CLVS1: variants seen among roughly 807,000 people sequenced by gnomAD.
CLVS1 encodes the protein clavesin 1, also known as clavesin-1.
A neutral mutation model predicts 33.1 loss-of-function variants in CLVS1; 10 were observed. That is an observed-to-expected ratio of 0.30 (90% CI 0.19 to 0.51). The LOEUF (loss-of-function observed/expected upper bound fraction) is 0.51, where lower values mean the gene tolerates loss of function less well. CLVS1 is among the 20% of genes least tolerant of loss of function. The probability of loss-of-function intolerance (pLI) is 0.97; values close to 1 mark genes in which losing one functional copy is unlikely to be tolerated. For synonymous variants in CLVS1, 163 were observed against 166.1 expected (o/e 0.98, Z 0.14); for missense variants, 343 against 433.4 (o/e 0.79, Z 1.85).
chr8:61,392,744 C>T (rs748599639), intron 3 of CLVS1, among the ~76,000 whole-genome samples: 1 of 151,100 alleles, frequency 6.6e-6, no homozygotes, highest in South Asian at 2.1e-4. Context: ...GCTGTAATCC[C>T]AGCTACTCAG....
At chr8:61,479,487 AT>A (rs1405424704) in intron 5 of CLVS1, among the ~76,000 whole-genome samples, 12 of 151,450 alleles carry the variant, frequency 7.9e-5, no homozygotes, top group African/African-American at 2.4e-4. Context: ...CATTCGTCTA[AT>A]TTTTTTTTCA....
intron 3 of CLVS1, among the ~76,000 whole-genome samples, chr8:61,411,779 C>T (rs1171608777): frequency 6.6e-6 from 1 of 152,182 alleles, no homozygotes; most frequent in Non-Finnish European, 1.5e-5. Flanking sequence ...GTCCCTAGTT[C>T]AGGGCTGTCA....
chr8:61,046,354 G>A, the CLVS1 span, among the ~76,000 whole-genome samples: 1 of 144,738 alleles, frequency 6.9e-6, no homozygotes, highest in South Asian at 2.2e-4. Context: ...CTATATCTCT[G>A]TTTTGGTACC....
intron 2 of CLVS1, among the ~76,000 whole-genome samples, chr8:61,341,656 G>A (rs1224984637): frequency 6.6e-6 from 1 of 152,168 alleles, no homozygotes; most frequent in Non-Finnish European, 1.5e-5. Context: ...CACTAAGATG[G>A]ACATTTCCCC....
At chr8:61,039,070 A>G in the CLVS1 span, among the ~76,000 whole-genome samples, 1,636 of 152,298 alleles carry the variant, frequency 0.011, 22 homozygotes, top group African/African-American at 0.037. Flanking sequence ...ATGCTAACTC[A>G]GTGCCGACTT....
chr8:61,114,346 G>C (rs183223700), intron 1 of CLVS1, among the ~76,000 whole-genome samples: 1 of 152,300 alleles, frequency 6.6e-6, no homozygotes, highest in East Asian at 1.9e-4. Flanking sequence ...TGAAAATTCA[G>C]TAAAGCATCA....
chr8:61,383,488 C>T lies in CLVS1; in HGVS notation c.630+6709C>T, dbSNP rs116977218. On this transcript the variant is annotated intron_variant, in intron 3 of 5. Coordinates refer to ENST00000325897, the MANE Select transcript of CLVS1 (RefSeq NM_173519.3). Reference sequence around the variant, plus strand: ...CATTTTGTCAAGAAGTTTTTTAATTCATGTTTTCTAAACACTCTGGTGATG... The same window carrying T: ...CATTTTGTCAAGAAGTTTTTTAATTTATGTTTTCTAAACACTCTGGTGATG... Among the ~76,000 whole-genome samples the T allele has an allele frequency of 7.7e-3, 1,175 of 152,270 alleles. 7 individuals are homozygous for T. Among genetic ancestry groups the T allele is most frequent in the Non-Finnish European group, 0.013 (871 of 68,006 alleles).
chr8:61,115,344 A>ATTTTAT lies in CLVS1; in HGVS notation c.-242-16405_-242-16400dup, dbSNP rs536840776. 3.3e-5 allele frequency among the ~76,000 whole-genome samples: 5 copies of ATTTTAT among 151,266 alleles called. No homozygotes were observed. In the South Asian group the frequency reaches 6.2e-4, roughly 19 times the overall value. ...AAAAATGGCAACTCTTATTTTTTTT[A>ATTTTAT]TTTTATTTTTATTTTTATTTTTATT... On this transcript the variant is annotated intron_variant, in intron 1 of 2. Transcript: ENST00000522621.
At chr8:61,066,515 T>G (rs1019626333) in intron 1 of CLVS1, among the ~76,000 whole-genome samples, 40 of 152,058 alleles carry the variant, frequency 2.6e-4, no homozygotes, top group African/African-American at 9.2e-4. Flanking sequence ...AAAGAAAAAG[T>G]GCTAGTGTTC....
chr8:61,200,192 C>T (rs1167241552), intron 2 of CLVS1, among the ~76,000 whole-genome samples: 4 of 152,120 alleles, frequency 2.6e-5, no homozygotes, highest in African/African-American at 4.8e-5. Flanking sequence ...GATCTCGGCT[C>T]ACTGCAACCT....
chr8:61,151,836 A>C (rs1806544128), intron 2 of CLVS1, among the ~76,000 whole-genome samples: 1 of 152,192 alleles, frequency 6.6e-6, no homozygotes, highest in Admixed American at 6.5e-5. Flanking sequence ...GTCAAATATA[A>C]GGCCCCTTCC....
the CLVS1 span, among the ~76,000 whole-genome samples, chr8:60,983,320 C>T: frequency 3.9e-5 from 6 of 152,124 alleles, no homozygotes; most frequent in African/African-American, 1.2e-4. Context: ...TTATCATGCA[C>T]GTTATTTTAA....
At chr8:60,988,700 TTTTG>T in the CLVS1 span, among the ~76,000 whole-genome samples, 1 of 152,240 alleles carries the variant, frequency 6.6e-6, no homozygotes, top group Non-Finnish European at 1.5e-5. Flanking sequence ...AGGAATTTTT[TTTTG>T]TTTATGTTTT....
chr8:61,335,429 T>C (rs1811763793), intron 2 of CLVS1, among the ~76,000 whole-genome samples: 2 of 152,178 alleles, frequency 1.3e-5, no homozygotes, highest in Admixed American at 1.3e-4. Context: ...TTAAGTTAGA[T>C]CTCTTTCACT....
chr8:61,315,738 T>TA (rs1554557557), intron 2 of CLVS1, among the ~76,000 whole-genome samples: 2 of 152,100 alleles, frequency 1.3e-5, no homozygotes, highest in Non-Finnish European at 2.9e-5. Context: ...TATTCTTTTT[T>TA]TATATATATA....
At chr8:60,979,450 A>G in the CLVS1 span, among the ~76,000 whole-genome samples, 5 of 152,244 alleles carry the variant, frequency 3.3e-5, no homozygotes, top group Non-Finnish European at 7.3e-5. Context: ...AAGAGCAACA[A>G]CATCTGCAGC....
chr8:61,436,253 TAAAAC>T (rs948052149), intron 3 of CLVS1, among the ~76,000 whole-genome samples: 1 of 152,174 alleles, frequency 6.6e-6, no homozygotes, highest in African/African-American at 2.4e-5. Context: ...TATCTCATCT[TAAAAC>T]AAAACAAAAC....
At chr8:61,486,049 A>T (rs1390979446) in intron 5 of CLVS1, among the ~76,000 whole-genome samples, 2 of 152,174 alleles carry the variant, frequency 1.3e-5, no homozygotes, top group African/African-American at 4.8e-5. Flanking sequence ...ATACATATGT[A>T]ACTAACCTGC....
intron 2 of CLVS1, 120 bp from the exon 3 acceptor site, chr8:61,376,484 CA>C (rs1423738433): frequency 1.2e-5 from 10 of 832,612 alleles, no homozygotes; most frequent in Non-Finnish European, 1.5e-5. Flanking sequence ...TACAGGACGC[CA>C]GTGTGACCCT....
Sources: allele counts gnomAD v4.1 joint callset (sites outside exome capture counted in the v4.1 genomes callset), GRCh38; gene constraint gnomAD v4.1.1; transcripts MANE v1.5; gene names NCBI Gene and HGNC (gene_info 2026-07-23, HGNC 2026-07-21).